Variants in RELN observed in about 807,000 individuals in gnomAD.
RELN encodes the protein reelin.
In RELN, 108 loss-of-function variants were observed where a neutral mutation model predicts 427.6. The observed-to-expected ratio is 0.25, with a 90% CI of 0.22 to 0.30. The LOEUF is 0.30. Among genes scored for constraint, RELN ranks in the 10% least tolerant of loss-of-function variants. The probability of loss-of-function intolerance (pLI) is 1.00; values close to 1 mark genes in which losing one functional copy is unlikely to be tolerated. For synonymous variants in RELN, 1,524 were observed against 1,513.4 expected, an observed-to-expected ratio of 1.01 and a Z score of -0.16; for missense variants, 3,715 against 4,302.8, an observed-to-expected ratio of 0.86 and a Z score of 3.82.
At chr7:103,676,075 A>G (rs1224125826) in intron 11 of RELN, among the ~76,000 whole-genome samples, 1 of 152,226 alleles carries the variant, frequency 6.6e-6, no homozygotes, top group Non-Finnish European at 1.5e-5. Context: ...GCACAACAAA[A>G]GAAACTACCA....
intron 42 of RELN, 21 bp downstream of exon 42, chr7:103,545,103 G>A: frequency 1.3e-6 from 2 of 1,591,580 alleles, no homozygotes; most frequent in South Asian, 2.2e-5. Flanking sequence ...AGACTACATA[G>A]AATTTGTAAG....
intron 1 of RELN, among the ~76,000 whole-genome samples, chr7:103,920,600 G>GAT: frequency 7.6e-6 from 1 of 132,450 alleles, no homozygotes; most frequent in Non-Finnish European, 1.6e-5. Flanking sequence ...TTTTGAGAGA[G>GAT]TCTCGCTCTC....
intron 6 of RELN, among the ~76,000 whole-genome samples, chr7:103,732,642 T>C (rs1790383924): frequency 6.6e-6 from 1 of 152,118 alleles, no homozygotes; most frequent in African/African-American, 2.4e-5. Context: ...TAAAAACTTA[T>C]GGATATAAAT....
At chr7:103,601,376 T>A (rs1168318534) in intron 24 of RELN, among the ~76,000 whole-genome samples, 1 of 152,206 alleles carries the variant, frequency 6.6e-6, no homozygotes, top group Non-Finnish European at 1.5e-5. Flanking sequence ...TTTTCTATAA[T>A]CCTCTATCTT....
chr7:103,485,835 A>G (rs1052338080), intron 61 of RELN, among the ~76,000 whole-genome samples: 3 of 152,196 alleles, frequency 2.0e-5, no homozygotes, highest in African/African-American at 7.2e-5. Context: ...ATTGCTACAA[A>G]TTTATTTCAC....
intron 1 of RELN, among the ~76,000 whole-genome samples, chr7:103,952,516 TAAAC>T (rs71805098): frequency 0.02 from 2,638 of 134,046 alleles, 82 homozygotes; most frequent in African/African-American, 0.076. Context: ...CTTTAAACCT[TAAAC>T]ACACACACAC....
chr7:103,809,567 A>C (rs935671287), intron 3 of RELN, among the ~76,000 whole-genome samples: 1 of 152,192 alleles, frequency 6.6e-6, no homozygotes, highest in Non-Finnish European at 1.5e-5. Flanking sequence ...ATGCTTAGAA[A>C]ACAAAGCAAG....
chr7:103,586,719 G>C (rs767771764), intron 28 of RELN, among the ~76,000 whole-genome samples: 1 of 152,150 alleles, frequency 6.6e-6, no homozygotes, highest in African/African-American at 2.4e-5. Context: ...ACAAAAATCA[G>C]AGCATTTCTA....
rs1484924326 is a variant in RELN, at chr7:103,510,921, T to C, written c.8204A>G (p.His2735Arg). 1.2e-6 allele frequency: 2 copies of C among 1,613,298 alleles called. No individual in the cohort carries two copies. The highest frequency in any genetic ancestry group is 1.7e-6 in the Non-Finnish European group (2 of 1,179,370). Reference sequence around the variant, plus strand: ...CACTGCATACACCTCCCGTCCATCATGACTGCCACAGAGCATCACACCATC... The same window carrying C: ...CACTGCATACACCTCCCGTCCATCACGACTGCCACAGAGCATCACACCATC... Reference protein sequence around the residue: ...SPDGVMLCGSHDGREVYAVTH... With the variant: ...SPDGVMLCGSRDGREVYAVTH... The change falls in exon 51 of 65, where the codon CAT becomes CGT. Residue 2735 changes from histidine to arginine, a missense_variant. His to Arg is a conservative substitution (Grantham distance 29). This residue lies in a region of RELN where 1,310 missense variants were observed against 1,643.0 expected (regional missense o/e 0.80). Coordinates refer to ENST00000428762, the MANE Select transcript of RELN (RefSeq NM_005045.4).
chr7:103,575,733 C>T (rs749830817), intron 28 of RELN, 28 bp from the exon 29 acceptor site: 1 of 1,613,096 alleles, frequency 6.2e-7, no homozygotes, highest in South Asian at 1.1e-5. Context: ...ACACCTGTTT[C>T]TTGTACCAAC....
intron 6 of RELN, among the ~76,000 whole-genome samples, chr7:103,746,693 G>A (rs1297152245): frequency 6.6e-6 from 1 of 152,014 alleles, no homozygotes; most frequent in African/African-American, 2.4e-5. Flanking sequence ...TCAGAGAAAT[G>A]CAAATCAAAA....
rs148908850 is a variant in RELN at position 103,926,492 on chromosome 7, CAA to C, written c.227-9309_227-9308del. On this transcript the variant is annotated intron_variant, in intron 1 of 64. Transcript: ENST00000428762. ...ACTTTATGCTTGTGCAAGAACATGC[CAA>C]GAGTGACCTTGATAATACTCGTGCG... 1.9e-3 allele frequency among the ~76,000 whole-genome samples: 295 copies of C among 152,100 alleles called. 5 individuals carry two copies. The East Asian group carries it at 0.047, about 24-fold the overall frequency.
intron 2 of RELN, among the ~76,000 whole-genome samples, chr7:103,884,221 C>T (rs1794673690): frequency 6.6e-6 from 1 of 152,128 alleles, no homozygotes; most frequent in Non-Finnish European, 1.5e-5. Flanking sequence ...GAAAAACTGG[C>T]TAACTATGTG....
intron 4 of RELN, among the ~76,000 whole-genome samples, chr7:103,762,623 T>C (rs1562997981): frequency 6.6e-6 from 1 of 152,204 alleles, no homozygotes; most frequent in Non-Finnish European, 1.5e-5. Context: ...GTTCCAAAAA[T>C]GCTAGCTGAA....
intron 1 of RELN, among the ~76,000 whole-genome samples, chr7:103,977,032 C>T (rs767815399): frequency 2.0e-5 from 3 of 151,828 alleles, no homozygotes; most frequent in South Asian, 2.1e-4. Flanking sequence ...CTGGCAGTGC[C>T]GGGCGTGGGA....
Position 103,770,655 on chromosome 7 carries a change from T to TTG in RELN, c.544+5901_544+5902insCA, listed in dbSNP as rs200027864. Among the ~76,000 whole-genome samples, 117 of 107,752 alleles carry TTG rather than the reference T, an allele frequency of 1.1e-3. 1 individual carries two copies. The highest frequency in any genetic ancestry group is 7.9e-3 in the Admixed American group (86 of 10,836). 70.7% of individuals were successfully genotyped at this position (107,752 alleles called of 152,430 possible). On this transcript the variant is annotated intron_variant, in intron 4 of 64. Coordinates refer to ENST00000428762, the MANE Select transcript of RELN (RefSeq NM_005045.4). ...CCTCTTTCCTTATTTTTTTTAAAAA[T>TTG]TTTTTTTTTTAATGGACAAATAATA...
chr7:103,490,686 G>A lies in RELN; in HGVS notation c.9587C>T (p.Pro3196Leu). 1 of 1,614,188 alleles carries A rather than the reference G, an allele frequency of 6.2e-7. No homozygotes were observed. Among genetic ancestry groups the A allele is most frequent in the Non-Finnish European group, 8.5e-7 (1 of 1,180,050 alleles). Reference sequence around the variant, plus strand: ...AACCTACCTAGAGGAGACATGGTCAGGCAGCTGGATGGTGATTCTTTTCCA... The same window carrying A: ...AACCTACCTAGAGGAGACATGGTCAAGCAGCTGGATGGTGATTCTTTTCCA... ...SSWKRITIQL[P>L]DHVSSSATQF... The change falls in exon 59 of 65, where the codon CCT becomes CTT. Residue 3196 changes from proline to leucine, a missense_variant. Coordinates refer to ENST00000428762, the MANE Select transcript of RELN (RefSeq NM_005045.4).
intron 1 of RELN, among the ~76,000 whole-genome samples, chr7:103,926,773 T>G (rs1007870309): frequency 6.6e-6 from 1 of 151,656 alleles, no homozygotes; most frequent in Admixed American, 6.6e-5. Context: ...GCCTCCCGAG[T>G]AGCTCGGATT....
Position 103,682,134 on chromosome 7 carries a change from A to G in RELN, c.1271T>C (p.Phe424Ser). 6.2e-7 allele frequency: 1 copy of G among 1,613,994 alleles called. No homozygotes were observed. The highest frequency in any genetic ancestry group is 8.5e-7 in the Non-Finnish European group (1 of 1,179,918). ...TACTTACCCTGTAGGCTGGCTCTCA[A>G]ATTCTTCTGACCATTGCTCTTGAAT... ...EDIQEQWSEEFESQPTGWDVL... is the reference protein window; with the variant it reads ...EDIQEQWSEESESQPTGWDVL... The change falls in exon 11 of 65, where the codon TTT becomes TCT. Residue 424 changes from phenylalanine to serine, a missense_variant. Phe to Ser is a radical substitution (Grantham distance 155, BLOSUM62 -2). Coordinates refer to ENST00000428762, the MANE Select transcript of RELN (RefSeq NM_005045.4).
Sources: allele counts gnomAD v4.1 joint callset (sites outside exome capture counted in the v4.1 genomes callset), GRCh38; gene constraint gnomAD v4.1.1; regional missense constraint gnomAD v4.1.1; transcripts MANE v1.5; gene names NCBI Gene and HGNC (gene_info 2026-07-23, HGNC 2026-07-21).